CELF2: variants seen among roughly 807,000 people sequenced by gnomAD.
The protein encoded by CELF2 is CUGBP Elav-like family member 2.
CELF2 carries 8 observed loss-of-function variants against 62.6 expected under a neutral mutation model. The observed-to-expected ratio is 0.13, with a 90% CI of 0.07 to 0.23. The LOEUF (loss-of-function observed/expected upper bound fraction) is 0.23. Ranked by LOEUF, CELF2 falls within the 10% of genes least tolerant of loss-of-function variation. CELF2 has a pLI of 1.00. For missense variants in CELF2, 333 were observed against 671.0 expected (o/e 0.50, Z 5.56); for synonymous variants, 258 against 250.0 (o/e 1.03, Z -0.30).
intron 11 of CELF2, among the ~76,000 whole-genome samples, chr10:11,323,959 G>A (rs890754106): frequency 6.6e-6 from 1 of 151,442 alleles, no homozygotes; most frequent in Admixed American, 6.6e-5. Context: ...AAACTCGGGG[G>A]ATATACAAAA....
chr10:10,943,338 T>C (rs1352530066), intron 2 of CELF2, among the ~76,000 whole-genome samples: 3 of 152,108 alleles, frequency 2.0e-5, no homozygotes, highest in African/African-American at 4.8e-5. Context: ...AACTCCCACA[T>C]GGGGCCAAAG....
intron 1 of CELF2, among the ~76,000 whole-genome samples, chr10:11,077,171 A>G (rs2072251889): frequency 6.6e-6 from 1 of 152,218 alleles, no homozygotes; most frequent in African/African-American, 2.4e-5. Context: ...GCCGAGGGTT[A>G]TCATTATAAA....
chr10:10,755,620 T>C, the CELF2 span, among the ~76,000 whole-genome samples: 2 of 152,214 alleles, frequency 1.3e-5, no homozygotes, highest in Non-Finnish European at 2.9e-5. Flanking sequence ...AGAGACATCT[T>C]TGTAACCCTT....
chr10:10,519,242 G>T, the CELF2 span, among the ~76,000 whole-genome samples: 1 of 152,120 alleles, frequency 6.6e-6, no homozygotes, highest in Non-Finnish European at 1.5e-5. Flanking sequence ...CTCTGGAAAT[G>T]GTTGCTTGTT....
At position 11,335,442 on chromosome 10, in the gene CELF2, G is replaced by A. The variant is rs1478770524; in HGVS notation, c.*6389G>A. On this transcript the variant is annotated 3_prime_UTR_variant, in exon 13 of 13. Transcript: ENST00000633077. The surrounding 1 kb of genome is among the most constrained non-coding windows in gnomAD (Gnocchi z 5.0). ...AGGTGCTCAGGCTCTTCACCCTCTC[G>A]TTGCAGCAGCCCCTCTGGCCCGAGA... 6.6e-6 allele frequency: 1 copy of A among 152,248 alleles called. No individual in the cohort carries two copies. The highest frequency in any genetic ancestry group is 1.5e-5 in the Non-Finnish European group (1 of 68,104). The allele number at this position is 152,248 out of a possible 1,614,324, so 9.4% of individuals were successfully genotyped here.
chr10:11,085,062 A>T (rs1262752041), intron 1 of CELF2, among the ~76,000 whole-genome samples: 2 of 152,232 alleles, frequency 1.3e-5, no homozygotes, highest in African/African-American at 4.8e-5. Context: ...TCAGTATTTG[A>T]ATTTACTCGT....
the CELF2 span, among the ~76,000 whole-genome samples, chr10:10,554,025 G>T: frequency 6.6e-6 from 1 of 152,038 alleles, no homozygotes; most frequent in African/African-American, 2.4e-5. Context: ...CTGGAAAGTG[G>T]CAGGAATAGA....
the CELF2 span, among the ~76,000 whole-genome samples, chr10:10,511,883 T>C: frequency 6.6e-6 from 1 of 152,200 alleles, no homozygotes; most frequent in African/African-American, 2.4e-5. Flanking sequence ...TTTGCACTCA[T>C]AGTCCCCCTT....
chr10:10,501,951 G>A, the CELF2 span, among the ~76,000 whole-genome samples: 728 of 152,130 alleles, frequency 4.8e-3, 6 homozygotes, highest in African/African-American at 0.017. Flanking sequence ...CCCTATTCCT[G>A]TTTCTTTTTC....
rs554345685 is a variant in CELF2, at chr10:11,297,344, C to A, written c.976+8792C>A. ...TTGAGACTGACCTGCAGAGGCCAGG[C>A]GGGCTGCCCTAAGCCCGGGGAGGGG... On this transcript the variant is annotated intron_variant, in intron 9 of 12. Coordinates refer to ENST00000633077, the MANE Select transcript of CELF2 (RefSeq NM_001326342.2). This position sits in a 1 kb window ranked among gnomAD's most constrained non-coding sequence, Gnocchi z 4.4. Among the ~76,000 whole-genome samples, 1 of 152,142 alleles carries A rather than the reference C, an allele frequency of 6.6e-6. No homozygotes were observed. The highest frequency in any genetic ancestry group is 2.4e-5 in the African/African-American group (1 of 41,426).
intron 9 of CELF2, among the ~76,000 whole-genome samples, chr10:11,312,786 T>C (rs1163447332): frequency 6.6e-6 from 1 of 152,064 alleles, no homozygotes; most frequent in African/African-American, 2.4e-5. Context: ...ATACAAAAAT[T>C]AGCCAGTCAT....
intron 1 of CELF2, among the ~76,000 whole-genome samples, chr10:10,806,653 TAGC>T (rs1160774810): frequency 6.6e-6 from 1 of 152,166 alleles, no homozygotes; most frequent in Non-Finnish European, 1.5e-5. Context: ...TGGAGCCAAA[TAGC>T]AGCTATAAGA....
chr10:11,249,599 G>C lies in CELF2; in HGVS notation c.403+398G>C, dbSNP rs77410601. Among the ~76,000 whole-genome samples the C allele has an allele frequency of 9.1e-3, 1,386 of 152,276 alleles. 7 individuals carry two copies. Among genetic ancestry groups the C allele is most frequent in the Non-Finnish European group, 0.014 (954 of 68,032 alleles). On this transcript the variant is annotated intron_variant, in intron 4 of 12. Transcript: ENST00000633077. The stretch of plus-strand genomic sequence containing the variant: ...AAGAATTAGGCTTTCTGTGGGTGGG[G>C]GAGGGGCGTTGGTTTTTGTTTTTTT...
upstream of CELF2, among the ~76,000 whole-genome samples, chr10:10,798,125 A>G (rs1407523440): frequency 6.6e-6 from 1 of 152,200 alleles, no homozygotes; most frequent in African/African-American, 2.4e-5. Context: ...TCCCTGCCAG[A>G]AAACACACAG....
chr10:11,058,465 T>G (rs1159985524), intron 1 of CELF2, among the ~76,000 whole-genome samples: 2 of 144,724 alleles, frequency 1.4e-5, no homozygotes, highest in Admixed American at 6.8e-5. Context: ...TTGTTGGTTT[T>G]TTTTTTTTTT....
chr10:11,175,462 T>G (rs1283075884), intron 2 of CELF2, among the ~76,000 whole-genome samples: 1 of 152,206 alleles, frequency 6.6e-6, no homozygotes, highest in Non-Finnish European at 1.5e-5. Context: ...GTTCTTTCAA[T>G]TAATGCTAAA....
At chr10:10,719,132 G>A in the CELF2 span, among the ~76,000 whole-genome samples, 1 of 151,458 alleles carries the variant, frequency 6.6e-6, no homozygotes, top group African/African-American at 2.4e-5. Context: ...CTAATTTTTT[G>A]TATTTTTAGT....
chr10:11,004,923 T>C (rs2054932490), upstream of CELF2, among the ~76,000 whole-genome samples: 1 of 152,214 alleles, frequency 6.6e-6, no homozygotes, highest in South Asian at 2.1e-4. This position sits in a 1 kb window ranked among gnomAD's most constrained non-coding sequence, Gnocchi z 5.0. Context: ...GTTACTCATC[T>C]GCGATGCTTG....
chr10:10,588,108 C>T, the CELF2 span, among the ~76,000 whole-genome samples: 2 of 151,748 alleles, frequency 1.3e-5, no homozygotes, highest in African/African-American at 4.8e-5. Flanking sequence ...TAAATGTTTC[C>T]ACCAACTGAG....
Sources: allele counts gnomAD v4.1 joint callset (sites outside exome capture counted in the v4.1 genomes callset), GRCh38; gene constraint gnomAD v4.1.1; non-coding constraint Gnocchi (gnomAD v3.1); transcripts MANE v1.5; gene names NCBI Gene and HGNC (gene_info 2026-07-23, HGNC 2026-07-21).